ATP11C: variants seen among roughly 807,000 people sequenced by gnomAD.
ATP11C encodes the protein phospholipid-transporting ATPase IG.
ATP11C carries 36 observed loss-of-function variants against 97.4 expected under a neutral mutation model. The ratio of observed to expected loss-of-function variants is 0.37; its 90% CI spans 0.28 to 0.49. ATP11C has a LOEUF of 0.49. ATP11C is among the 20% of genes least tolerant of loss of function. The probability of loss-of-function intolerance (pLI) is 0.98; values close to 1 mark genes in which losing one functional copy is unlikely to be tolerated. For missense variants in ATP11C, 730 were observed against 824.6 expected (o/e 0.89, Z 1.40); for synonymous variants, 275 against 290.9 (o/e 0.95, Z 0.56).
At chrX:139,762,940 G>A (rs1368175047) in intron 21 of ATP11C, among the ~76,000 whole-genome samples, 1 of 112,080 alleles carries the variant, frequency 8.9e-6, no homozygotes, top group Non-Finnish European at 1.9e-5. Flanking sequence ...CAGTTGAGAT[G>A]TCAAAAGATA....
chrX:139,849,992 C>CA lies in ATP11C; in HGVS notation c.28-23170dup, dbSNP rs200120116. ...AGGTTCTCAACAGAAGCCGAGCCCT[C>CA]AACCTTTGACTTCCTACCCTCCAGA... On this transcript the variant is annotated intron_variant, in intron 1 of 29. Coordinates refer to ENST00000682941, the MANE Select transcript of ATP11C (RefSeq NM_001353812.2). Among the ~76,000 whole-genome samples, 333 of 112,077 alleles carry CA rather than the reference C, an allele frequency of 3.0e-3. 2 individuals carry two copies. Among genetic ancestry groups the CA allele is most frequent in the African/African-American group, 9.1e-3 (282 of 30,827 alleles).
At chrX:139,893,163 C>T (rs1013564720) in intron 1 of ATP11C, among the ~76,000 whole-genome samples, 1 of 111,867 alleles carries the variant, frequency 8.9e-6, no homozygotes, top group African/African-American at 3.2e-5. Flanking sequence ...CTCAGCCTCT[C>T]GAGCAGCTGG....
At chrX:139,898,036 G>C (rs544644474) in intron 1 of ATP11C, among the ~76,000 whole-genome samples, 5 of 111,407 alleles carry the variant, frequency 4.5e-5, no homozygotes, top group African/African-American at 1.6e-4. Flanking sequence ...CACTGACCCT[G>C]GTTAACAGTC....
Position 139,908,164 on chromosome X carries a change from C to A in ATP11C, c.27+23852G>T, listed in dbSNP as rs776562501. Among the ~76,000 whole-genome samples, 4 of 111,401 alleles carry A rather than the reference C, an allele frequency of 3.6e-5. No individual in the cohort carries two copies. In the South Asian group the frequency reaches 1.5e-3, roughly 42 times the overall value. ...TCTTCCCCCGGTTCCACTGAGTGTG[C>A]CCTTCAGCCCCACTAGCCTCCTTTA... is the stretch of plus-strand genomic sequence containing the variant. On this transcript the variant is annotated intron_variant, in intron 1 of 29. Coordinates refer to ENST00000682941, the MANE Select transcript of ATP11C (RefSeq NM_001353812.2).
At chrX:139,763,464 T>C (rs372007813) in intron 20 of ATP11C, 46 bp from the exon 21 acceptor site, 2 of 999,637 alleles carry the variant, frequency 2.0e-6, no homozygotes, top group African/African-American at 1.9e-5. Context: ...CAAAGAAGAA[T>C]GTAAGACTGG....
chrX:139,881,602 A>T (rs919162688), intron 1 of ATP11C, among the ~76,000 whole-genome samples: 3 of 111,549 alleles, frequency 2.7e-5, no homozygotes, highest in South Asian at 7.6e-4. Flanking sequence ...TACATTACAA[A>T]CTGGCTTCTC....
intron 19 of ATP11C, among the ~76,000 whole-genome samples, chrX:139,769,856 T>C (rs750206476): frequency 6.3e-5 from 7 of 111,635 alleles, no homozygotes; most frequent in Admixed American, 9.5e-5. Context: ...ATGTGAGATT[T>C]TGCATTTCTA....
At chrX:139,900,993 T>A (rs1198387019) in intron 1 of ATP11C, among the ~76,000 whole-genome samples, 1 of 111,971 alleles carries the variant, frequency 8.9e-6, no homozygotes, top group Non-Finnish European at 1.9e-5. Flanking sequence ...TTTGGAAGGC[T>A]GCTACTTAGA....
rs758738344 is a variant in ATP11C, at chrX:139,813,743, C to G, written c.426+1135G>C. On this transcript the variant is annotated intron_variant, in intron 5 of 29. Transcript: ENST00000682941. Reference sequence around the variant, plus strand: ...GAGACAGCAGAAAGATCGCTGGTTACCATGGGTTGGGGGGAATAAGGAATG... The same window carrying G: ...GAGACAGCAGAAAGATCGCTGGTTAGCATGGGTTGGGGGGAATAAGGAATG... Among the ~76,000 whole-genome samples the G allele has an allele frequency of 5.4e-5, 6 of 111,154 alleles. No homozygotes were observed. In the East Asian group the frequency reaches 1.4e-3, roughly 26 times the overall value.
intron 13 of ATP11C, among the ~76,000 whole-genome samples, chrX:139,788,741 T>G (rs142501491): frequency 8.9e-6 from 1 of 112,203 alleles, no homozygotes; most frequent in African/African-American, 3.2e-5. Context: ...ACATCATTCT[T>G]GGAGGAGCTT....
intron 1 of ATP11C, among the ~76,000 whole-genome samples, chrX:139,926,332 C>A (rs1277763283): frequency 9.0e-6 from 1 of 111,492 alleles, no homozygotes; most frequent in African/African-American, 3.3e-5. Context: ...ATATCCCATG[C>A]ATTCACCCTC....
chrX:139,866,947 A>G (rs769068219), intron 1 of ATP11C, among the ~76,000 whole-genome samples: 4 of 111,009 alleles, frequency 3.6e-5, no homozygotes, highest in African/African-American at 9.8e-5. Flanking sequence ...TTAGCCAGGT[A>G]TGGTAGTGCA....
intron 1 of ATP11C, among the ~76,000 whole-genome samples, chrX:139,873,568 AGTGGTGGTGG>A (rs2084411132): frequency 9.2e-6 from 1 of 108,453 alleles, no homozygotes; most frequent in African/African-American, 3.4e-5. Context: ...ATTAGCCAGG[AGTGGTGGTGG>A]GTGCCTGTAA....
chrX:139,784,225 T>C (rs2082525324), intron 16 of ATP11C, among the ~76,000 whole-genome samples: 1 of 112,084 alleles, frequency 8.9e-6, no homozygotes, highest in African/African-American at 3.2e-5. Flanking sequence ...CTGTAGAACA[T>C]GTGGACATGC....
intron 22 of ATP11C, among the ~76,000 whole-genome samples, chrX:139,760,564 T>C: frequency 8.9e-6 from 1 of 112,013 alleles, no homozygotes; most frequent in Non-Finnish European, 1.9e-5. Context: ...TACTAAATAC[T>C]ATATGATTTG....
At chrX:139,934,857 T>C (rs1187488713), upstream of ATP11C, among the ~76,000 whole-genome samples, 1 of 111,777 alleles carries the variant, frequency 8.9e-6, no homozygotes, top group African/African-American at 3.3e-5. Context: ...CCTCTAGCTT[T>C]ACTTTTATTG....
intron 1 of ATP11C, chrX:139,909,766 C>T (rs1224401094): frequency 9.0e-6 from 1 of 111,644 alleles, no homozygotes; most frequent in African/African-American, 3.3e-5. Context: ...TAAAATTTTA[C>T]ATCAAAAATG....
intron 18 of ATP11C, among the ~76,000 whole-genome samples, chrX:139,779,174 T>C (rs1013755071): frequency 9.0e-6 from 1 of 111,258 alleles, no homozygotes; most frequent in Admixed American, 9.5e-5. Flanking sequence ...ACAAGACAGA[T>C]TATCGAGGCA....
chrX:139,870,538 C>A (rs1013832978), intron 1 of ATP11C, among the ~76,000 whole-genome samples: 9 of 111,929 alleles, frequency 8.0e-5, no homozygotes, highest in Admixed American at 4.8e-4. Flanking sequence ...AGAAGGATGT[C>A]TGTTGACAGC....
Sources: allele counts gnomAD v4.1 joint callset (sites outside exome capture counted in the v4.1 genomes callset), GRCh38; gene constraint gnomAD v4.1.1; transcripts MANE v1.5; gene names NCBI Gene and HGNC (gene_info 2026-07-23, HGNC 2026-07-21).